IPO11: variants seen among roughly 807,000 people sequenced by gnomAD.
IPO11 encodes importin-11.
Under a neutral mutation model 143.2 loss-of-function variants are expected in IPO11, and 66 were observed. The ratio of observed to expected loss-of-function variants is 0.46; its 90% CI spans 0.38 to 0.57. IPO11 has a LOEUF of 0.57. Ranked by LOEUF, IPO11 falls within the 20% of genes least tolerant of loss-of-function variation. The pLI is 0.00. For synonymous variants in IPO11, 385 were observed against 377.8 expected (o/e 1.02, Z -0.22); for missense variants, 1,026 against 1,141.0 (o/e 0.90, Z 1.45).
chr5:62,572,975 A>G (rs1744190747), intron 27 of IPO11, among the ~76,000 whole-genome samples: 2 of 151,432 alleles, frequency 1.3e-5, no homozygotes, highest in African/African-American at 4.9e-5. Flanking sequence ...GTTACGAAAA[A>G]CCTCCTATCG....
At chr5:62,517,647 C>A (rs910789078) in intron 20 of IPO11, among the ~76,000 whole-genome samples, 1 of 152,204 alleles carries the variant, frequency 6.6e-6, no homozygotes, top group African/African-American at 2.4e-5. Context: ...AGGTGATTTG[C>A]TTGCCTTGGC....
intron 6 of IPO11, among the ~76,000 whole-genome samples, chr5:62,468,440 T>C (rs1745643215): frequency 6.6e-6 from 1 of 152,230 alleles, no homozygotes. Context: ...AAGAAATGTT[T>C]GAATGATTTT....
intron 24 of IPO11, among the ~76,000 whole-genome samples, chr5:62,546,664 G>C (rs549699356): frequency 7.2e-5 from 11 of 152,092 alleles, no homozygotes; most frequent in Middle Eastern, 6.9e-3. Flanking sequence ...TTAAACTAAA[G>C]TGCAAAAGTT....
At chr5:62,618,077 T>G (rs962995281) in intron 29 of IPO11, among the ~76,000 whole-genome samples, 1 of 152,080 alleles carries the variant, frequency 6.6e-6, no homozygotes, top group Non-Finnish European at 1.5e-5. Flanking sequence ...CATGAAACAT[T>G]TACAAAAACT....
intron 26 of IPO11, among the ~76,000 whole-genome samples, chr5:62,554,001 G>A (rs1743483214): frequency 6.6e-6 from 1 of 152,164 alleles, no homozygotes; most frequent in Admixed American, 6.5e-5. Flanking sequence ...AAAGTGCTGG[G>A]ATTACAAGTG....
chr5:62,588,143 C>T (rs1251500307), intron 27 of IPO11, among the ~76,000 whole-genome samples: 1 of 152,122 alleles, frequency 6.6e-6, no homozygotes, highest in East Asian at 1.9e-4. Flanking sequence ...CCACACATTC[C>T]TCCCTTGTGA....
intron 29 of IPO11, among the ~76,000 whole-genome samples, chr5:62,602,446 T>C (rs1745541183): frequency 6.6e-6 from 1 of 152,210 alleles, no homozygotes; most frequent in Non-Finnish European, 1.5e-5. Flanking sequence ...ATTTTTTCCC[T>C]TTTCTTTTGG....
At chr5:62,439,211 C>T (rs1281036973) in intron 2 of IPO11, among the ~76,000 whole-genome samples, 1 of 151,292 alleles carries the variant, frequency 6.6e-6, no homozygotes, top group African/African-American at 2.4e-5. Flanking sequence ...CCTTAAAAAC[C>T]AATAGGCATT....
chr5:62,419,274 T>C, intron 1 of IPO11: 1 of 767,672 alleles, frequency 1.3e-6, no homozygotes, highest in Non-Finnish European at 1.9e-6. Context: ...AATCAGTGAG[T>C]GAGTGGTGAG....
At chr5:62,579,471 A>C in intron 27 of IPO11, 1 of 1,550,854 alleles carries the variant, frequency 6.4e-7, no homozygotes, top group Non-Finnish European at 8.7e-7. Context: ...TGCCTTGCCT[A>C]CGACTGTTTC....
intron 24 of IPO11, among the ~76,000 whole-genome samples, chr5:62,546,412 C>T (rs1366930737): frequency 6.6e-6 from 1 of 152,036 alleles, no homozygotes; most frequent in African/African-American, 2.4e-5. Context: ...AATACTTGGA[C>T]ACAAGAAGGG....
intron 24 of IPO11, among the ~76,000 whole-genome samples, chr5:62,538,051 AG>A (rs1742798521): frequency 6.6e-6 from 1 of 152,192 alleles, no homozygotes; most frequent in Non-Finnish European, 1.5e-5. Context: ...ATTAAAAAAA[AG>A]TACCTTTATT....
intron 3 of IPO11, among the ~76,000 whole-genome samples, chr5:62,448,522 T>G (rs1744797710): frequency 6.6e-6 from 1 of 152,212 alleles, no homozygotes; most frequent in South Asian, 2.1e-4. Context: ...TATTCTTGTA[T>G]TAGTACTTTA....
chr5:62,516,941 G>A (rs1248782722), intron 20 of IPO11, among the ~76,000 whole-genome samples: 5 of 151,722 alleles, frequency 3.3e-5, no homozygotes, highest in African/African-American at 1.2e-4. Context: ...GCTCAAGCCT[G>A]TAATCCCAGC....
At chr5:62,506,855 C>G (rs770658391) in intron 19 of IPO11, among the ~76,000 whole-genome samples, 15 of 152,184 alleles carry the variant, frequency 9.9e-5, no homozygotes, top group Non-Finnish European at 2.1e-4. Flanking sequence ...CGGAAAACCA[C>G]ACTGTAATTA....
Sources: gnomAD v4.1 joint callset for allele counts (sites outside exome capture counted in the v4.1 genomes callset) on GRCh38, gnomAD v4.1.1 for gene constraint, MANE v1.5 for transcripts, NCBI Gene and HGNC (gene_info 2026-07-23, HGNC 2026-07-21) for gene names.